PIAS4: variants seen among roughly 807,000 people sequenced by gnomAD.
The protein encoded by PIAS4 is E3 SUMO-protein ligase PIAS4.
A neutral mutation model predicts 58.0 loss-of-function variants in PIAS4; 7 were observed. The ratio of observed to expected loss-of-function variants is 0.12; its 90% confidence interval spans 0.07 to 0.23. The LOEUF (loss-of-function observed/expected upper bound fraction) is 0.23, where lower values mean the gene tolerates loss of function less well. PIAS4 is among the 10% of genes least tolerant of loss of function. The pLI is 1.00. For synonymous variants in PIAS4, 364 were observed against 312.4 expected (o/e 1.17, Z -1.74); for missense variants, 550 against 709.5 (o/e 0.78, Z 2.55).
At chr19:4,022,901 G>A (rs545538882) in intron 2 of PIAS4, among the ~76,000 whole-genome samples, 11 of 151,326 alleles carry the variant, frequency 7.3e-5, no homozygotes, top group East Asian at 5.9e-4. Context: ...GCCAGGCGCC[G>A]TAGCTCATGC....
chr19:4,029,171 C>T (rs1216913960), intron 7 of PIAS4, 135 bp downstream of exon 7: 14 of 653,128 alleles, frequency 2.1e-5, no homozygotes, highest in Non-Finnish European at 3.5e-5. Flanking sequence ...GGGTCCATGG[C>T]CCCCCGGCTG....
chr19:4,021,813 A>G (rs991343212), intron 2 of PIAS4, among the ~76,000 whole-genome samples: 1 of 134,866 alleles, frequency 7.4e-6, no homozygotes, highest in African/African-American at 2.9e-5. Flanking sequence ...TGGTACGATC[A>G]TGGCTCACTG....
chr19:4,028,118 T>A, intron 3 of PIAS4, 28 bp from the exon 4 acceptor site: 3 of 1,613,242 alleles, frequency 1.9e-6, no homozygotes, highest in Non-Finnish European at 2.5e-6. Context: ...TCTCCTTTCC[T>A]TTCCTCTGGT....
intron 7 of PIAS4, among the ~76,000 whole-genome samples, chr19:4,030,422 A>G (rs2040212708): frequency 1.3e-5 from 2 of 151,990 alleles, no homozygotes; most frequent in Non-Finnish European, 2.9e-5. Context: ...GAGCAACACC[A>G]TCCTGGCTAA....
At chr19:4,010,189 T>TC (rs1157130375) in intron 1 of PIAS4, among the ~76,000 whole-genome samples, 2 of 151,842 alleles carry the variant, frequency 1.3e-5, no homozygotes, top group African/African-American at 2.4e-5. Flanking sequence ...TGAATGCTTG[T>TC]CCCCCCCGCA....
rs555783811 is a variant in PIAS4, at chr19:4,013,486, G to A, written c.454+137G>A. ...GGGCGGGGAGCCACAGTGGCCAGGGGTGTCCTTCCTCGGAAGCAAAGGGAC... is the reference window on the plus strand; with the variant it reads ...GGGCGGGGAGCCACAGTGGCCAGGGATGTCCTTCCTCGGAAGCAAAGGGAC... On this transcript the variant is annotated intron_variant, in intron 2 of 10. Transcript: ENST00000262971. The surrounding 1 kb of genome is among the most constrained non-coding windows in gnomAD (Gnocchi z 5.1). 2 of 721,578 alleles carry A rather than the reference G, an allele frequency of 2.8e-6. No homozygotes were observed. Among genetic ancestry groups the A allele is most frequent in the Admixed American group, 2.8e-5 (1 of 35,930 alleles). 44.7% of individuals were successfully genotyped at this position (721,578 alleles called of 1,614,324 possible). A position where few individuals can be genotyped will look rare whatever the true frequency, so the allele number is the denominator to read the frequency against.
chr19:4,008,760 T>C (rs763333597), intron 1 of PIAS4, among the ~76,000 whole-genome samples: 1 of 152,064 alleles, frequency 6.6e-6, no homozygotes, highest in Non-Finnish European at 1.5e-5. Flanking sequence ...GCGAGTCTAC[T>C]TCTTAGGTCA....
intron 4 of PIAS4, 36 bp from the exon 5 acceptor site, chr19:4,028,474 C>G: frequency 6.6e-7 from 1 of 1,517,226 alleles, no homozygotes; most frequent in Non-Finnish European, 9.1e-7. Context: ...TCCTGTGCGC[C>G]CCCTCCCCGC....
intron 2 of PIAS4, among the ~76,000 whole-genome samples, chr19:4,016,074 C>G (rs914617515): frequency 3.3e-5 from 5 of 152,254 alleles, no homozygotes; most frequent in African/African-American, 1.2e-4. Context: ...GGCTCCTGCT[C>G]CTGAGCAGAG....
Position 4,037,949 on chromosome 19 carries a change from G to A in PIAS4, c.*74G>A. ...CGGGCCAGCCTCGGGCGCAGAGGGAGGAGTGACCTTTCTTTTTCTTTTTAT... is the reference window on the plus strand; with the variant it reads ...CGGGCCAGCCTCGGGCGCAGAGGGAAGAGTGACCTTTCTTTTTCTTTTTAT... On this transcript the variant is annotated 3_prime_UTR_variant, in exon 11 of 11. Transcript: ENST00000262971. This position sits in a 1 kb window ranked among gnomAD's most constrained non-coding sequence, Gnocchi z 5.8. The A allele has an allele frequency of 2.8e-6, 4 of 1,430,198 alleles. No individual in the cohort carries two copies. The highest frequency in any genetic ancestry group is 2.6e-5 in the South Asian group (2 of 76,534). 88.6% of individuals were successfully genotyped at this position (1,430,198 alleles called of 1,614,324 possible). A position where few individuals can be genotyped will look rare whatever the true frequency, so the allele number is the denominator to read the frequency against.
Position 4,037,245 on chromosome 19 carries a change from G to T in PIAS4, c.1143-129G>T. 1 of 1,211,160 alleles carries T rather than the reference G, an allele frequency of 8.3e-7. No homozygotes were observed. The highest frequency in any genetic ancestry group is 1.1e-6 in the Non-Finnish European group (1 of 883,742). 75.0% of individuals were successfully genotyped at this position (1,211,160 alleles called of 1,614,324 possible). On this transcript the variant is annotated intron_variant, in intron 9 of 10. Coordinates refer to ENST00000262971, the MANE Select transcript of PIAS4 (RefSeq NM_015897.4). This position sits in a 1 kb window ranked among gnomAD's most constrained non-coding sequence, Gnocchi z 5.8. Reference sequence around the variant, plus strand: ...GCGGGGTCCCTGGACCCCTGCGGTCGGGGTGGTGAGGCTGCTCTTGCAGAG... The same window carrying T: ...GCGGGGTCCCTGGACCCCTGCGGTCTGGGTGGTGAGGCTGCTCTTGCAGAG...
chr19:4,033,626 G>A (rs1378024534), intron 9 of PIAS4, 46 bp downstream of exon 9: 1 of 1,514,744 alleles, frequency 6.6e-7, no homozygotes, highest in Non-Finnish European at 8.9e-7. Context: ...GGACATCCGT[G>A]GAGGTCTCGG....
In PIAS4 at chr19:4,037,333, G is replaced by A. The variant is rs998452130; in HGVS notation, c.1143-41G>A. 1.3e-6 allele frequency: 2 copies of A among 1,563,320 alleles called. No individual in the cohort carries two copies. The highest frequency in any genetic ancestry group is 1.2e-5 in the South Asian group (1 of 86,100). ...GAGGGCTGGGGAGTTGGGGGGGTGGGGCACCTCCAGCCCCGGCGTCAGCTG... is the reference window on the plus strand; with the variant it reads ...GAGGGCTGGGGAGTTGGGGGGGTGGAGCACCTCCAGCCCCGGCGTCAGCTG... On this transcript the variant is annotated intron_variant, in intron 9 of 10. Coordinates refer to ENST00000262971, the MANE Select transcript of PIAS4 (RefSeq NM_015897.4). The surrounding 1 kb of genome is among the most constrained non-coding windows in gnomAD (Gnocchi z 5.8).
chr19:4,037,619 C>T lies in PIAS4; in HGVS notation c.1277C>T (p.Pro426Leu). ...ACCCTGTCCCTGTTGCCCGTAGGCC[C>T]CTCGGACGCCAATGGGCTCCTGCCC... The part of the protein sequence containing the change: ...SPQGAILVLG[P>L]SDANGLLPAP... The change falls in exon 11 of 11, where the codon CCC becomes CTC. Residue 426 changes from proline to leucine, a missense_variant. Physicochemically the swap from Pro to Leu is moderately conservative, Grantham distance 98. Around this residue, in one of 4 missense-constraint regions of PIAS4, gnomAD observed 188 missense variants for 192.0 expected, o/e 0.98. Coordinates refer to ENST00000262971, the MANE Select transcript of PIAS4 (RefSeq NM_015897.4). This position sits in a 1 kb window ranked among gnomAD's most constrained non-coding sequence, Gnocchi z 5.8. The T allele has an allele frequency of 3.1e-6, 5 of 1,610,210 alleles. No homozygotes were observed. Among genetic ancestry groups the T allele is most frequent in the Non-Finnish European group, 4.2e-6 (5 of 1,179,780 alleles).
chr19:4,033,308 C>G (rs1599231987), intron 8 of PIAS4, 112 bp from the exon 9 acceptor site: 1 of 1,321,826 alleles, frequency 7.6e-7, no homozygotes, highest in Non-Finnish European at 1.0e-6. Context: ...CCTCCGTGTT[C>G]CTGAGGCATG....
chr19:4,024,695 C>T (rs1161154185), intron 3 of PIAS4, among the ~76,000 whole-genome samples: 1 of 152,166 alleles, frequency 6.6e-6, no homozygotes. Context: ...CCCCGGTTTA[C>T]ACCGCCCGCC....
intron 2 of PIAS4, 68 bp from the exon 3 acceptor site, chr19:4,023,968 G>A: frequency 9.2e-7 from 1 of 1,089,110 alleles, no homozygotes; most frequent in Non-Finnish European, 1.4e-6. Flanking sequence ...CGCAGGCTGG[G>A]AAAAGCGACT....
At chr19:4,016,055 G>C (rs990047791) in intron 2 of PIAS4, among the ~76,000 whole-genome samples, 1 of 152,188 alleles carries the variant, frequency 6.6e-6, no homozygotes, top group Non-Finnish European at 1.5e-5. Flanking sequence ...CCCTCCTCCC[G>C]AGCCGACTGG....
intron 9 of PIAS4, among the ~76,000 whole-genome samples, chr19:4,035,164 C>T (rs987348376): frequency 3.9e-5 from 6 of 152,044 alleles, no homozygotes; most frequent in African/African-American, 7.2e-5. Context: ...CTCGGCGGGG[C>T]GGAGGGGCTG....
Sources: gnomAD v4.1 joint callset for allele counts (sites outside exome capture counted in the v4.1 genomes callset) on GRCh38, gnomAD v4.1.1 for gene constraint, gnomAD v4.1.1 regional missense constraint, Gnocchi (gnomAD v3.1) non-coding constraint, MANE v1.5 for transcripts, NCBI Gene and HGNC (gene_info 2026-07-23, HGNC 2026-07-21) for gene names.